The following ARL8A variants were observed in gnomAD, a reference collection of about 807,000 sequenced individuals.
ARL8A encodes the protein ADP-ribosylation factor-like protein 8A.
ARL8A carries 10 observed loss-of-function variants against 31.2 expected under a neutral mutation model. The ratio of observed to expected loss-of-function variants is 0.32; its 90% CI spans 0.20 to 0.54. The LOEUF (loss-of-function observed/expected upper bound fraction) is 0.54. Among genes scored for constraint, ARL8A ranks in the 20% least tolerant of loss-of-function variants. The pLI is 0.93. For synonymous variants in ARL8A, 70 were observed against 86.9 expected (o/e 0.81, Z 1.08); for missense variants, 129 against 242.8 (o/e 0.53, Z 3.12).
In ARL8A at chr1:202,144,469, G is replaced by A; in HGVS notation, c.104C>T (p.Thr35Ile). The change falls in exon 1 of 7, where the codon ACC (threonine) becomes ATC (isoleucine). Residue 35 changes from threonine (T) to isoleucine (I), a missense_variant. Transcript: ENST00000272217. The surrounding 1 kb of genome is among the most constrained non-coding windows in gnomAD (Gnocchi z 5.2). ...LVGLQYSGKT[T>I]FVNVIASGQF... Reference sequence around the variant, plus strand: ...TCGTACCGCGATCACGTTGACGAAGGTGGTCTTGCCCGAGTACTGAAGCCC... The same window carrying A: ...TCGTACCGCGATCACGTTGACGAAGATGGTCTTGCCCGAGTACTGAAGCCC... 1 of 1,460,722 alleles carries A rather than the reference G, an allele frequency of 6.8e-7. No individual in the cohort carries two copies. The highest frequency in any genetic ancestry group is 3.3e-5 in the East Asian group (1 of 30,724). 90.5% of individuals were successfully genotyped at this position (1,460,722 alleles called of 1,614,324 possible). A position where few individuals can be genotyped will look rare whatever the true frequency, so the allele number is the denominator to read the frequency against.
At position 202,134,447 on chromosome 1, in the gene ARL8A, G is replaced by A. The variant is rs1377768073; in HGVS notation, c.*20C>T. 1.2e-6 allele frequency: 2 copies of A among 1,609,570 alleles called. No homozygotes were observed. The highest frequency in any genetic ancestry group is 2.2e-5 in the East Asian group (1 of 44,840). ...TTTAGATGATGACGGTCCCTGGTCT[G>A]AGGGAGAAGGGCTGGAGTCTCAGCT... On this transcript the variant is annotated 3_prime_UTR_variant, in exon 7 of 7. Coordinates refer to ENST00000272217, the MANE Select transcript of ARL8A (RefSeq NM_138795.4). This position sits in a 1 kb window ranked among gnomAD's most constrained non-coding sequence, Gnocchi z 4.2.
At position 202,144,461 on chromosome 1, in the gene ARL8A, T is replaced by G; in HGVS notation, c.112A>C (p.Asn38His). Reference protein sequence around the residue: ...LQYSGKTTFVNVIASGQFNED... With the variant: ...LQYSGKTTFVHVIASGQFNED... ...CGACGCCCTCGTACCGCGATCACGT[T>G]GACGAAGGTGGTCTTGCCCGAGTAC... Residue 38 changes from asparagine (N) to histidine (H), a missense_variant, in exon 1 of 7, where the codon AAC becomes CAC. Physicochemically the swap from Asn to His is moderately conservative, Grantham distance 68 (BLOSUM62 1). Transcript: ENST00000272217. This position sits in a 1 kb window ranked among gnomAD's most constrained non-coding sequence, Gnocchi z 5.2. 1 of 1,450,368 alleles carries G rather than the reference T, an allele frequency of 6.9e-7. No homozygotes were observed. The highest frequency in any genetic ancestry group is 9.3e-7 in the Non-Finnish European group (1 of 1,079,584). The allele number at this position is 1,450,368 out of a possible 1,614,324, so 89.8% of individuals were successfully genotyped here. A position where few individuals can be genotyped will look rare whatever the true frequency, so the allele number is the denominator to read the frequency against.
In ARL8A at chr1:202,134,582, G is replaced by A; in HGVS notation, c.512-66C>T. ...ACTGGCCGTGCTGGGGCAGCAGAGA[G>A]GCCCAAGAAACCAAACCTAAGGGTA... On this transcript the variant is annotated intron_variant, in intron 6 of 6. Coordinates refer to ENST00000272217, the MANE Select transcript of ARL8A (RefSeq NM_138795.4). The surrounding 1 kb of genome is among the most constrained non-coding windows in gnomAD (Gnocchi z 4.2). 1 of 1,492,630 alleles carries A rather than the reference G, an allele frequency of 6.7e-7. No homozygotes were observed. 92.5% of individuals were successfully genotyped at this position (1,492,630 alleles called of 1,614,324 possible).
intron 1 of ARL8A, among the ~76,000 whole-genome samples, chr1:202,139,342 A>AG (rs1326494227): frequency 6.6e-6 from 1 of 152,084 alleles, no homozygotes; most frequent in Admixed American, 6.6e-5. Context: ...TGGGAGGCTG[A>AG]GGGGGCAGAT....
At position 202,135,809 on chromosome 1, in the gene ARL8A, A is replaced by G; in HGVS notation, c.279-9T>C. 2.5e-6 allele frequency: 4 copies of G among 1,611,478 alleles called. No homozygotes were observed. In the South Asian group the frequency reaches 4.4e-5, roughly 18 times the overall value. ...CAGCATCCACCATGTACCTGGGGAAAGAGGCAGGGTGGGGACAAGCATGTT... is the reference window on the plus strand; with the variant it reads ...CAGCATCCACCATGTACCTGGGGAAGGAGGCAGGGTGGGGACAAGCATGTT... On this transcript the variant is annotated splice_polypyrimidine_tract_variant and intron_variant, in intron 3 of 6. Coordinates refer to ENST00000272217, the MANE Select transcript of ARL8A (RefSeq NM_138795.4). This position sits in a 1 kb window ranked among gnomAD's most constrained non-coding sequence, Gnocchi z 5.3.
chr1:202,138,240 TG>T lies in ARL8A; in HGVS notation c.204+127del. ...TCCCAGCTCCTCAGCAGGGGGACCC[TG>T]GCCTCTGCCCCACTTCAGCTCGCTC... On this transcript the variant is annotated intron_variant, in intron 2 of 6. Transcript: ENST00000272217. This position sits in a 1 kb window ranked among gnomAD's most constrained non-coding sequence, Gnocchi z 4.4. 1 of 1,213,756 alleles carries T rather than the reference TG, an allele frequency of 8.2e-7. No individual in the cohort carries two copies. Among genetic ancestry groups the T allele is most frequent in the Non-Finnish European group, 1.2e-6 (1 of 846,404 alleles). 75.2% of individuals were successfully genotyped at this position (1,213,756 alleles called of 1,614,324 possible). A position where few individuals can be genotyped will look rare whatever the true frequency, so the allele number is the denominator to read the frequency against.
intron 1 of ARL8A, among the ~76,000 whole-genome samples, chr1:202,140,097 A>T (rs1380316731): frequency 6.6e-6 from 1 of 150,424 alleles, no homozygotes; most frequent in Non-Finnish European, 1.5e-5. Context: ...CCACATGAAG[A>T]CCCCTGATAT....
At chr1:202,142,457 T>A (rs1281383104) in intron 1 of ARL8A, among the ~76,000 whole-genome samples, 1 of 152,284 alleles carries the variant, frequency 6.6e-6, no homozygotes, top group East Asian at 1.9e-4. Context: ...GCAATGCCAG[T>A]GTGGTAGCCC....
At chr1:202,137,886 G>T in intron 3 of ARL8A, 79 bp downstream of exon 3, 1 of 1,462,208 alleles carries the variant, frequency 6.8e-7, no homozygotes, top group Non-Finnish European at 9.5e-7. Flanking sequence ...AAAACCCTGC[G>T]CCTCTGAGGT....
chr1:202,137,926 G>T (rs780784282), intron 3 of ARL8A, 39 bp downstream of exon 3: 1 of 1,611,422 alleles, frequency 6.2e-7, no homozygotes, highest in East Asian at 2.2e-5. Context: ...AGGGGGGCCG[G>T]GTAAGGCTGG....
chr1:202,143,796 C>T (rs1480398336), intron 1 of ARL8A, among the ~76,000 whole-genome samples: 2 of 152,220 alleles, frequency 1.3e-5, no homozygotes, highest in East Asian at 3.9e-4. Flanking sequence ...GACGGAGTCT[C>T]CAAACTCCCG....
chr1:202,141,895 G>A (rs957011865), intron 1 of ARL8A, among the ~76,000 whole-genome samples: 5 of 150,340 alleles, frequency 3.3e-5, no homozygotes, highest in Middle Eastern at 3.2e-3. Flanking sequence ...ACGGAGTTTC[G>A]CTCTTGTTGC....
At chr1:202,136,690 C>T (rs1036804086) in intron 3 of ARL8A, among the ~76,000 whole-genome samples, 4 of 152,150 alleles carry the variant, frequency 2.6e-5, no homozygotes, top group South Asian at 4.1e-4. Flanking sequence ...CCACCTCAGT[C>T]GTCTGAGTAG....
chr1:202,143,564 G>T (rs58226141), intron 1 of ARL8A, among the ~76,000 whole-genome samples: 16,816 of 152,186 alleles, frequency 0.11, 1,428 homozygotes, highest in East Asian at 0.31. Flanking sequence ...CAGCCATTAC[G>T]GCAGCCTCAG....
rs915703691 is a variant in ARL8A at position 202,134,940 on chromosome 1, C to G, written c.511+210G>C. Among the ~76,000 whole-genome samples, 2 of 150,470 alleles carry G rather than the reference C, an allele frequency of 1.3e-5. No homozygotes were observed. The highest frequency in any genetic ancestry group is 4.9e-5 in the African/African-American group (2 of 40,754). ...GAATCTTAGAAACGAGGAGGTGAAG[C>G]CCAGAGCGGGGATCGATTTGCCCGA... is the stretch of plus-strand genomic sequence containing the variant. On this transcript the variant is annotated intron_variant, in intron 6 of 6. Coordinates refer to ENST00000272217, the MANE Select transcript of ARL8A (RefSeq NM_138795.4). This position sits in a 1 kb window ranked among gnomAD's most constrained non-coding sequence, Gnocchi z 4.2.
In ARL8A at chr1:202,135,330, A is replaced by T; in HGVS notation, c.441-110T>A. ...CTAAGAGGCTACAAAGGGGAGGGTG[A>T]GGTGCCTGAAAAGGTCGGCTCTGCT... On this transcript the variant is annotated intron_variant, in intron 5 of 6. Transcript: ENST00000272217. This position sits in a 1 kb window ranked among gnomAD's most constrained non-coding sequence, Gnocchi z 5.3. 5 of 1,445,460 alleles carry T rather than the reference A, an allele frequency of 3.5e-6. No homozygotes were observed. Among genetic ancestry groups the T allele is most frequent in the Non-Finnish European group, 3.9e-6 (4 of 1,028,040 alleles). 89.5% of individuals were successfully genotyped at this position (1,445,460 alleles called of 1,614,324 possible). A position where few individuals can be genotyped will look rare whatever the true frequency, so the allele number is the denominator to read the frequency against.
Position 202,144,116 on chromosome 1 carries a change from G to A in ARL8A, c.123+334C>T, listed in dbSNP as rs879433698. On this transcript the variant is annotated intron_variant, in intron 1 of 6. Transcript: ENST00000272217. The surrounding 1 kb of genome is among the most constrained non-coding windows in gnomAD (Gnocchi z 5.2). ...CCCCCTTGCGCGGGGGCCAGAGGGG[G>A]CCCGTCTCAGCCGGCAGCGGGTCCC... 2.1e-3 allele frequency among the ~76,000 whole-genome samples: 324 copies of A among 152,282 alleles called. No homozygotes were observed. Among genetic ancestry groups the A allele is most frequent in the Non-Finnish European group, 3.4e-3 (228 of 67,996 alleles).
In ARL8A at chr1:202,135,488, T is replaced by C. The variant is rs61758714; in HGVS notation, c.411A>G (p.Ala137=). 2.3e-3 allele frequency: 3,692 copies of C among 1,614,086 alleles called. 79 individuals are homozygous for C. The African/African-American group carries it at 0.043, about 19-fold the overall frequency. Residue 137 remains alanine (A), a synonymous_variant, in exon 5 of 7, where the codon GCA becomes GCG. Transcript: ENST00000272217. The surrounding 1 kb of genome is among the most constrained non-coding windows in gnomAD (Gnocchi z 5.3). The part of the protein sequence containing the change: ...VLGNKRDLPG[A]LDEKELIEKM... ...TCTCAATCAGCTCCTTCTCATCCAA[T>C]GCTCCCGGAAGGTCTCGCTTGTTAC...
intron 1 of ARL8A, among the ~76,000 whole-genome samples, chr1:202,141,882 G>C (rs1412700814): frequency 7.4e-6 from 1 of 134,818 alleles, no homozygotes; most frequent in African/African-American, 2.8e-5. Flanking sequence ...TTTTTTTTTT[G>C]AGACGGAGTT....
Sources: gnomAD v4.1 joint callset for allele counts (sites outside exome capture counted in the v4.1 genomes callset) on GRCh38, gnomAD v4.1.1 for gene constraint, Gnocchi (gnomAD v3.1) non-coding constraint, MANE v1.5 for transcripts, NCBI Gene and HGNC (gene_info 2026-07-23, HGNC 2026-07-21) for gene names.